SOX6: variants seen among roughly 807,000 people sequenced by gnomAD.
SOX6 encodes the protein SRY-box transcription factor 6, also known as transcription factor SOX-6.
SOX6 carries 11 observed loss-of-function variants against 97.8 expected under a neutral mutation model. The ratio of observed to expected loss-of-function variants is 0.11; its 90% CI spans 0.07 to 0.19. The LOEUF (loss-of-function observed/expected upper bound fraction) is 0.19, where lower values mean the gene tolerates loss of function less well. SOX6 is among the 10% of genes least tolerant of loss of function. The pLI, the probability that SOX6 is intolerant of heterozygous loss-of-function variation, is 1.00. For missense variants in SOX6, 810 were observed against 1,039.5 expected, an observed-to-expected ratio of 0.78 and a Z score of 3.04; for synonymous variants, 360 against 371.4, an observed-to-expected ratio of 0.97 and a Z score of 0.35.
chr11:16,211,240 G>C (rs920134966), intron 4 of SOX6, among the ~76,000 whole-genome samples: 8 of 152,152 alleles, frequency 5.3e-5, no homozygotes, highest in African/African-American at 1.9e-4. Flanking sequence ...TTAATATGAG[G>C]ATACATTAGA....
intron 1 of SOX6, chr11:16,409,028 C>G (rs1858741138): frequency 6.6e-6 from 1 of 152,096 alleles, no homozygotes; most frequent in Non-Finnish European, 1.5e-5. Flanking sequence ...GACCTCAGAT[C>G]ACCTTCAACT....
chr11:16,078,868 G>A (rs977568378), intron 9 of SOX6, among the ~76,000 whole-genome samples: 2 of 152,078 alleles, frequency 1.3e-5, no homozygotes, highest in African/African-American at 2.4e-5. Context: ...AAGTCCTATG[G>A]CAAGGGTGTA....
chr11:16,217,373 T>C (rs1285906400), intron 4 of SOX6, among the ~76,000 whole-genome samples: 1 of 152,186 alleles, frequency 6.6e-6, no homozygotes, highest in Non-Finnish European at 1.5e-5. Flanking sequence ...CTAAAGTTTC[T>C]TTATAAAGAG....
At chr11:16,069,400 C>A (rs1358977195) in intron 9 of SOX6, among the ~76,000 whole-genome samples, 1 of 152,022 alleles carries the variant, frequency 6.6e-6, no homozygotes. Context: ...TAGTGAACTG[C>A]AAATAGAATT....
intron 4 of SOX6, among the ~76,000 whole-genome samples, chr11:16,517,388 T>G (rs1860990500): frequency 6.6e-6 from 1 of 152,022 alleles, no homozygotes; most frequent in South Asian, 2.1e-4. Context: ...GAAGTCAAAT[T>G]GTCCCTGTTT....
intron 3 of SOX6, among the ~76,000 whole-genome samples, chr11:16,273,999 T>C (rs918947454): frequency 6.6e-6 from 1 of 151,954 alleles, no homozygotes; most frequent in Admixed American, 6.6e-5. Flanking sequence ...GTAAAATAAT[T>C]AACAAAAACT....
At chr11:16,046,826 T>A in intron 11 of SOX6, 125 bp from the exon 12 acceptor site, 1 of 984,040 alleles carries the variant, frequency 1.0e-6, no homozygotes, top group Non-Finnish European at 1.5e-6. Context: ...TTTGCTATTT[T>A]TTAAACTATA....
At chr11:16,094,763 G>A (rs1225623368) in intron 9 of SOX6, among the ~76,000 whole-genome samples, 2 of 151,884 alleles carry the variant, frequency 1.3e-5, no homozygotes, top group Non-Finnish European at 2.9e-5. Flanking sequence ...ATAGAAGGCA[G>A]GAGATATTCT....
At chr11:16,521,182 G>A (rs1014537694) in intron 4 of SOX6, among the ~76,000 whole-genome samples, 7 of 152,196 alleles carry the variant, frequency 4.6e-5, no homozygotes, top group African/African-American at 1.7e-4. Context: ...GCCTCCTCAA[G>A]TGGGTCCCTG....
chr11:16,083,331 A>G (rs1452416037), intron 9 of SOX6, among the ~76,000 whole-genome samples: 1 of 152,182 alleles, frequency 6.6e-6, no homozygotes, highest in Admixed American at 6.5e-5. Flanking sequence ...CTATGAATGA[A>G]CTAATTAAAT....
intron 4 of SOX6, among the ~76,000 whole-genome samples, chr11:16,600,749 A>G (rs1048260608): frequency 6.6e-6 from 1 of 152,244 alleles, no homozygotes. Context: ...CCACAGAACA[A>G]GGAAAATAAA....
chr11:16,526,488 T>G (rs1244258500), intron 4 of SOX6, among the ~76,000 whole-genome samples: 78 of 144,258 alleles, frequency 5.4e-4, no homozygotes, highest in East Asian at 1.3e-3. Context: ...TGTTGTGGGG[T>G]GGGGGGAGTG....
chr11:16,215,980 G>T (rs1852361734), intron 4 of SOX6, among the ~76,000 whole-genome samples: 1 of 152,126 alleles, frequency 6.6e-6, no homozygotes, highest in African/African-American at 2.4e-5. Context: ...GGTGACAAGG[G>T]CAGGAGCTTT....
Position 16,105,269 on chromosome 11 carries a change from G to GA in SOX6, c.898+6533dup, listed in dbSNP as rs1036492399. On this transcript the variant is annotated intron_variant, in intron 7 of 15. Transcript: ENST00000683767. ...AAGCATTACATTAATAGAACAAAGG[G>GA]AAAAAAAAACCAACATGATCATCTC... Among the ~76,000 whole-genome samples the GA allele has an allele frequency of 1.5e-3, 222 of 149,246 alleles. 2 individuals are homozygous for GA. Among genetic ancestry groups the GA allele is most frequent in the Admixed American group, 0.013 (187 of 14,918 alleles).
chr11:16,039,985 C>G (rs578187612), intron 12 of SOX6, among the ~76,000 whole-genome samples: 1 of 152,006 alleles, frequency 6.6e-6, no homozygotes, highest in Admixed American at 6.6e-5. Flanking sequence ...TTAGAAACTA[C>G]CTGCCATAAT....
chr11:16,216,315 G>C (rs142362217), intron 4 of SOX6, among the ~76,000 whole-genome samples: 202 of 152,236 alleles, frequency 1.3e-3, no homozygotes, highest in African/African-American at 4.1e-3. Context: ...CTAACACAAT[G>C]ATGGGCAAAT....
intron 13 of SOX6, among the ~76,000 whole-genome samples, chr11:16,012,064 G>T (rs778227708): frequency 2.6e-5 from 4 of 152,004 alleles, no homozygotes; most frequent in Non-Finnish European, 4.4e-5. Flanking sequence ...TAGTTTAGGG[G>T]CTGGCACATG....
intron 2 of SOX6, among the ~76,000 whole-genome samples, chr11:16,730,272 C>T (rs1848339736): frequency 1.3e-5 from 2 of 152,104 alleles, no homozygotes; most frequent in South Asian, 4.1e-4. Flanking sequence ...GAACTCTCCA[C>T]CCCAAATCAA....
Position 16,714,521 on chromosome 11 carries a change from G to A in SOX6, n.429+309C>T, listed in dbSNP as rs538441591. Among the ~76,000 whole-genome samples the A allele has an allele frequency of 3.5e-4, 51 of 143,812 alleles. 2 individuals are homozygous for A. Among genetic ancestry groups the A allele is most frequent in the African/African-American group, 1.3e-3 (48 of 38,374 alleles). The allele number at this position is 143,812 out of a possible 152,430, so 94.3% of individuals were successfully genotyped here. On this transcript the variant is annotated intron_variant and non_coding_transcript_variant, in intron 3 of 5. Transcript: ENST00000524520. ...AGGCTGGAATGCAGTGGCGCATCTC[G>A]GCTCACTGCAACCTCCGCCTCCCGG...
Sources: gnomAD v4.1 joint callset for allele counts (sites outside exome capture counted in the v4.1 genomes callset) on GRCh38, gnomAD v4.1.1 for gene constraint, MANE v1.5 for transcripts, NCBI Gene and HGNC (gene_info 2026-07-23, HGNC 2026-07-21) for gene names.